PDE1C: variants seen among roughly 807,000 people sequenced by gnomAD.
The protein encoded by PDE1C is dual specificity calcium/calmodulin-dependent 3',5'-cyclic nucleotide phosphodiesterase 1C.
Under a neutral mutation model 93.1 loss-of-function variants are expected in PDE1C, and 62 were observed. That is an observed-to-expected ratio of 0.67 (90% CI 0.54 to 0.82). The LOEUF is 0.82. Ranked by LOEUF, PDE1C falls within the 40% of genes least tolerant of loss-of-function variation. The pLI is 0.00. For synonymous variants in PDE1C, 325 were observed against 310.1 expected (o/e 1.05, Z -0.50); for missense variants, 742 against 884.6 (o/e 0.84, Z 2.04).
intron 3 of PDE1C, among the ~76,000 whole-genome samples, chr7:32,113,118 A>C (rs964155285): frequency 1.3e-5 from 2 of 149,238 alleles, no homozygotes; most frequent in African/African-American, 4.9e-5. Context: ...AGGTATAGAA[A>C]TAAAAGGAGA....
intron 1 of PDE1C, among the ~76,000 whole-genome samples, chr7:32,219,867 A>C (rs531739980): frequency 6.6e-6 from 1 of 152,282 alleles, no homozygotes; most frequent in Non-Finnish European, 1.5e-5. Context: ...AGCTTCCATA[A>C]TTCCTATGTG....
chr7:31,920,423 C>T (rs1248556952), intron 2 of PDE1C, among the ~76,000 whole-genome samples: 1 of 152,112 alleles, frequency 6.6e-6, no homozygotes, highest in Non-Finnish European at 1.5e-5. Flanking sequence ...ACCTCCAATC[C>T]CTGGGCAGAG....
rs1801738588 is a variant in PDE1C at position 32,158,858 on chromosome 7, C to CTTTA, written c.308+10926_308+10927insTAAA. Among the ~76,000 whole-genome samples, 4 of 152,244 alleles carry CTTTA rather than the reference C, an allele frequency of 2.6e-5. No homozygotes were observed. The South Asian group carries it at 8.3e-4, about 32-fold the overall frequency. On this transcript the variant is annotated intron_variant, in intron 3 of 18. Transcript: ENST00000396193. ...AAACTCTTTCTCATGGCAAACAAGG[C>CTTTA]CCTACATTACATAGTCCCAGGCTTA...
rs10561469 is a variant in PDE1C, at chr7:32,186,087, GT to G, written c.137-16132del. Among the ~76,000 whole-genome samples, 506 of 128,496 alleles carry G rather than the reference GT, an allele frequency of 3.9e-3. 8 individuals are homozygous for G. The highest frequency in any genetic ancestry group is 0.014 in the African/African-American group (464 of 34,128). The allele number at this position is 128,496 out of a possible 152,430, so 84.3% of individuals were successfully genotyped here. ...ACTTTTTTCCCTAATTTGTTTTTTT[GT>G]TTTTTTTTTTTTTTTTTTTTTTTTT... On this transcript the variant is annotated intron_variant, in intron 2 of 18. Transcript: ENST00000396193.
chr7:31,819,139 T>C (rs982003276), intron 14 of PDE1C, among the ~76,000 whole-genome samples: 22 of 152,178 alleles, frequency 1.4e-4, no homozygotes, highest in African/African-American at 4.3e-4. Context: ...ACAGCAATCA[T>C]GTTCCAGCAG....
chr7:31,993,680 G>A (rs73316303), intron 2 of PDE1C, among the ~76,000 whole-genome samples: 10,315 of 152,140 alleles, frequency 0.068, 845 homozygotes, highest in African/African-American at 0.2. Flanking sequence ...CAAATAGCTT[G>A]AATTCCAACA....
At chr7:32,165,303 G>A (rs185023443) in intron 3 of PDE1C, among the ~76,000 whole-genome samples, 83 of 152,286 alleles carry the variant, frequency 5.5e-4, no homozygotes, top group Non-Finnish European at 1.0e-3. Flanking sequence ...ATTCACATGC[G>A]TTATCTCCTT....
chr7:32,276,561 G>A (rs1811302784), intron 1 of PDE1C, among the ~76,000 whole-genome samples: 5 of 152,296 alleles, frequency 3.3e-5, no homozygotes, highest in Middle Eastern at 6.8e-3. Flanking sequence ...CTCTTTGCAA[G>A]ACTGTTCTGC....
chr7:31,643,254 C>T, the PDE1C span: 4 of 1,613,666 alleles, frequency 2.5e-6, no homozygotes, highest in Non-Finnish European at 3.4e-6. Context: ...TCTGTCCTCA[C>T]ACCAACCACA....
chr7:32,259,069 G>T (rs557997884), intron 1 of PDE1C, among the ~76,000 whole-genome samples: 1 of 152,258 alleles, frequency 6.6e-6, no homozygotes, highest in East Asian at 1.9e-4. Context: ...CATGAGTAAA[G>T]GTTTATTAAC....
At chr7:31,967,874 T>C (rs1420904612) in intron 2 of PDE1C, among the ~76,000 whole-genome samples, 3 of 152,166 alleles carry the variant, frequency 2.0e-5, no homozygotes, top group South Asian at 2.1e-4. Context: ...ATTATCTCAA[T>C]AGATGCAGAA....
chr7:32,360,811 G>A (rs1461589770), intron 1 of PDE1C, among the ~76,000 whole-genome samples: 1 of 152,172 alleles, frequency 6.6e-6, no homozygotes, highest in African/African-American at 2.4e-5. Context: ...AAATTTCCCT[G>A]TCTAAACTCA....
intron 1 of PDE1C, among the ~76,000 whole-genome samples, chr7:32,357,666 T>G (rs1784058622): frequency 1.3e-5 from 2 of 152,176 alleles, no homozygotes; most frequent in African/African-American, 2.4e-5. Context: ...AAGCCCCCGT[T>G]CTGTTTCCCT....
rs1216592343 is a variant in PDE1C at position 32,286,173 on chromosome 7, C to A, written c.85+12478G>T. ...ATACTCAGTTTCCCGCTTATAAAGT[C>A]ATAAACTCTCTCATTGGGATGTTAA... On this transcript the variant is annotated intron_variant, in intron 1 of 18. Coordinates refer to the PDE1C transcript ENST00000396193. 1.3e-5 allele frequency among the ~76,000 whole-genome samples: 2 copies of A among 152,172 alleles called. 1 individual carries two copies. Among genetic ancestry groups the A allele is most frequent in the Admixed American group, 1.3e-4 (2 of 15,278 alleles).
intron 1 of PDE1C, among the ~76,000 whole-genome samples, chr7:32,247,040 C>T (rs10447634): frequency 0.99 from 150,347 of 152,348 alleles, 74,226 homozygotes; most frequent in Middle Eastern, 1. Flanking sequence ...ACTGTAAGTA[C>T]ATAAATTAGT....
At chr7:32,007,597 T>G (rs2128577017) in intron 2 of PDE1C, among the ~76,000 whole-genome samples, 1 of 152,342 alleles carries the variant, frequency 6.6e-6, no homozygotes, top group East Asian at 1.9e-4. Context: ...GTCTTTGCCT[T>G]TTCTGTCCAC....
intron 2 of PDE1C, among the ~76,000 whole-genome samples, chr7:32,186,289 A>G (rs1435900738): frequency 6.6e-6 from 1 of 151,556 alleles, no homozygotes; most frequent in Non-Finnish European, 1.5e-5. Flanking sequence ...TTTTTAGTAG[A>G]GACGGGGTTT....
intron 3 of PDE1C, among the ~76,000 whole-genome samples, chr7:32,125,251 CA>C (rs1799512635): frequency 6.6e-6 from 1 of 152,158 alleles, no homozygotes; most frequent in South Asian, 2.1e-4. Flanking sequence ...GAAATAGGAA[CA>C]CTTTTACACT....
intron 17 of PDE1C, among the ~76,000 whole-genome samples, chr7:31,758,058 A>G (rs1583946587): frequency 6.6e-6 from 1 of 152,188 alleles, no homozygotes; most frequent in South Asian, 2.1e-4. Flanking sequence ...CAAAAAACCA[A>G]ACACTGCATG....
Sources: gnomAD v4.1 joint callset for allele counts (sites outside exome capture counted in the v4.1 genomes callset) on GRCh38, gnomAD v4.1.1 for gene constraint, MANE v1.5 for transcripts, NCBI Gene and HGNC (gene_info 2026-07-23, HGNC 2026-07-21) for gene names.